The following HSBP1L1 variants were observed in gnomAD, a reference collection of about 807,000 sequenced individuals.
HSBP1L1 encodes the protein heat shock factor-binding protein 1-like protein 1.
A neutral mutation model predicts 9.7 loss-of-function variants in HSBP1L1; 8 were observed. The ratio of observed to expected loss-of-function variants is 0.82; its 90% CI spans 0.48 to 1.48. The LOEUF (loss-of-function observed/expected upper bound fraction) is 1.48. Among genes scored for constraint, HSBP1L1 ranks in the 40% most tolerant of loss-of-function variants. The pLI is 0.00. For synonymous variants in HSBP1L1, 39 were observed against 34.4 expected (o/e 1.13, Z -0.46); for missense variants, 106 against 95.8 (o/e 1.11, Z -0.44).
chr18:79,970,361 C>T (rs541201956), intron 3 of HSBP1L1, 79 bp from the exon 4 acceptor site: 15 of 716,940 alleles, frequency 2.1e-5, no homozygotes, highest in Admixed American at 8.0e-5. Context: ...CCAGTGAGAA[C>T]GTTATTAAAA....
intron 3 of HSBP1L1, among the ~76,000 whole-genome samples, chr18:79,969,263 G>A (rs147626156): frequency 0.74 from 40,138 of 54,240 alleles, 15,165 homozygotes; most frequent in Non-Finnish European, 0.8. Context: ...AGAGAGAGAG[G>A]GAGGGAGGGA....
rs149120427 is a variant in HSBP1L1 at position 79,966,892 on chromosome 18, T to G, written c.118+214T>G. The stretch of plus-strand genomic sequence containing the variant: ...GGCCGGGTGCAGTGGCTCACGCCTG[T>G]AATCCCAGCACTTTGGGAGGCCGAG... On this transcript the variant is annotated intron_variant, in intron 2 of 3. Transcript: ENST00000451882. The G allele has an allele frequency of 4.4e-3, 2,008 of 456,486 alleles. 32 individuals carry two copies. The highest frequency in any genetic ancestry group is 0.039 in the East Asian group (950 of 24,094). The allele number at this position is 456,486 out of a possible 1,614,324, so 28.3% of individuals were successfully genotyped here.
chr18:79,965,275 A>C (rs1247135861), intron 1 of HSBP1L1, among the ~76,000 whole-genome samples: 1 of 152,204 alleles, frequency 6.6e-6, no homozygotes, highest in East Asian at 1.9e-4. Flanking sequence ...TTCCAGGCCC[A>C]CAAGAGGACT....
At chr18:79,966,582 AT>A in intron 1 of HSBP1L1, 29 bp from the exon 2 acceptor site, 1 of 1,478,562 alleles carries the variant, frequency 6.8e-7, no homozygotes, top group Non-Finnish European at 9.2e-7. Flanking sequence ...GTAAATATTT[AT>A]TCAATTGTCT....
At chr18:79,964,858 C>CCGG (rs1213328062) in intron 1 of HSBP1L1, 72 bp downstream of exon 1, 1 of 619,620 alleles carries the variant, frequency 1.6e-6, no homozygotes, top group African/African-American at 3.0e-5. Context: ...TTTTGAGGTC[C>CCGG]TGGGGGGGGA....
intron 1 of HSBP1L1, among the ~76,000 whole-genome samples, chr18:79,965,501 TTCTCA>T (rs1334290476): frequency 6.6e-6 from 1 of 152,182 alleles, no homozygotes; most frequent in Non-Finnish European, 1.5e-5. Flanking sequence ...AGCCTCACTG[TTCTCA>T]TCTCACCCTG....
intron 3 of HSBP1L1, among the ~76,000 whole-genome samples, chr18:79,969,394 A>AGAAAGAG (rs35959688): frequency 5.0e-4 from 40 of 80,372 alleles, no homozygotes; most frequent in Middle Eastern, 6.6e-3. Context: ...AAAGAAAGAA[A>AGAAAGAG]AAAAAACGAT....
Position 79,968,167 on chromosome 18 carries a change from C to A in HSBP1L1, c.197C>A (p.Ser66Tyr), listed in dbSNP as rs2051267096. 2 of 1,541,092 alleles carry A rather than the reference C, an allele frequency of 1.3e-6. No individual in the cohort carries two copies. The highest frequency in any genetic ancestry group is 1.8e-6 in the Non-Finnish European group (2 of 1,138,578). The change falls in exon 3 of 4, where the codon TCT becomes TAT. Residue 66 changes from serine (S) to tyrosine (Y), a missense_variant. By Grantham distance (144) the Ser-to-Tyr change is moderately radical. Transcript: ENST00000451882. ...DLMVQAGIEN[S>Y]IKEQMLKT ...ATGGTGCAAGCTGGCATTGAAAATT[C>A]TATTAAAGAACAAATGGTAAGGTTA...
In HSBP1L1 at chr18:79,969,371, GAAAGAAAGAAAGAAAGAAAGAAA is replaced by G. The variant is rs1386328700; in HGVS notation, c.214-1065_214-1043del. 7.2e-4 allele frequency among the ~76,000 whole-genome samples: 36 copies of G among 50,204 alleles called. 1 individual carries two copies. Among genetic ancestry groups the G allele is most frequent in the African/African-American group, 1.3e-3 (27 of 20,068 alleles). 32.9% of individuals were successfully genotyped at this position (50,204 alleles called of 152,430 possible). A position where few individuals can be genotyped will look rare whatever the true frequency, so the allele number is the denominator to read the frequency against. On this transcript the variant is annotated intron_variant, in intron 3 of 3. Transcript: ENST00000451882. Reference sequence around the variant, plus strand: ...AGAAAGAAAGAAAGAAAGAAAGAAAGAAAGAAAGAAAGAAAGAAAGAAAAAAAAACGATGCAGAATAGCGCCCA... The same window carrying G: ...AGAAAGAAAGAAAGAAAGAAAGAAAGAAAAAACGATGCAGAATAGCGCCCA...
At chr18:79,968,938 C>T (rs1772354449) in intron 3 of HSBP1L1, among the ~76,000 whole-genome samples, 1 of 148,812 alleles carries the variant, frequency 6.7e-6, no homozygotes, top group Non-Finnish European at 1.5e-5. Context: ...AATCCCAGCA[C>T]TTTGGGAGGC....
chr18:79,970,170 A>C, intron 3 of HSBP1L1: 1 of 393,410 alleles, frequency 2.5e-6, no homozygotes, highest in Non-Finnish European at 4.8e-6. Context: ...ACCTGGGGAA[A>C]TCTAAGCTTT....
chr18:79,966,210 C>T (rs906496021), intron 1 of HSBP1L1, among the ~76,000 whole-genome samples: 2 of 151,854 alleles, frequency 1.3e-5, no homozygotes, highest in African/African-American at 2.4e-5. Flanking sequence ...GGATTACAGG[C>T]GTGAGCCACC....
rs1034750119 is a variant in HSBP1L1 at position 79,968,170 on chromosome 18, T to C, written c.200T>C (p.Ile67Thr). Residue 67 changes from isoleucine to threonine, a missense_variant, in exon 3 of 4, where the codon ATT becomes ACT. Transcript: ENST00000451882. ...LMVQAGIENS[I>T]KEQMLKT is the part of the protein sequence containing the mutation. ...GTGCAAGCTGGCATTGAAAATTCTA[T>C]TAAAGAACAAATGGTAAGGTTATTA... 3 of 1,540,040 alleles carry C rather than the reference T, an allele frequency of 1.9e-6. No homozygotes were observed. The highest frequency in any genetic ancestry group is 2.7e-5 in the African/African-American group (2 of 72,858).
At chr18:79,966,576 ATATT>A in intron 1 of HSBP1L1, 32 bp from the exon 2 acceptor site, 7 of 1,465,634 alleles carry the variant, frequency 4.8e-6, no homozygotes, top group African/African-American at 1.4e-5. Context: ...CCAACAGTAA[ATATT>A]TATTCAATTG....
chr18:79,965,087 G>A (rs2051250351), intron 1 of HSBP1L1, among the ~76,000 whole-genome samples: 1 of 137,408 alleles, frequency 7.3e-6, no homozygotes, highest in African/African-American at 2.7e-5. Flanking sequence ...GATCCTCGGG[G>A]GGCCTGAGGT....
chr18:79,970,217 G>A (rs912978129), intron 3 of HSBP1L1: 9 of 496,504 alleles, frequency 1.8e-5, no homozygotes, highest in African/African-American at 3.8e-5. Context: ...CTGGTAAGTG[G>A]TTGTAAGGAT....
chr18:79,968,887 G>GA (rs1555716278), intron 3 of HSBP1L1, among the ~76,000 whole-genome samples: 1 of 151,374 alleles, frequency 6.6e-6, no homozygotes, highest in South Asian at 2.1e-4. Flanking sequence ...AAAAATAACA[G>GA]AAAAAATGAT....
rs188154367 is a variant in HSBP1L1, at chr18:79,970,078, C to T, written c.214-362C>T. On this transcript the variant is annotated intron_variant, in intron 3 of 3. Coordinates refer to ENST00000451882, the MANE Select transcript of HSBP1L1 (RefSeq NM_001136180.2). ...ACTAGTATATCCAACTTGATTAAAG[C>T]ACCACAGTGCCACAGACGAGGCAAG... 755 of 221,004 alleles carry T rather than the reference C, an allele frequency of 3.4e-3. 6 individuals are homozygous for T. Among genetic ancestry groups the T allele is most frequent in the South Asian group, 0.024 (313 of 12,832 alleles). The allele number at this position is 221,004 out of a possible 1,614,324, so 13.7% of individuals were successfully genotyped here.
intron 1 of HSBP1L1, among the ~76,000 whole-genome samples, chr18:79,965,206 G>T (rs2051250936): frequency 6.6e-6 from 1 of 152,194 alleles, no homozygotes; most frequent in Non-Finnish European, 1.5e-5. Flanking sequence ...CAGCGCCCAG[G>T]GCTCCGGCCT....
Sources: gnomAD v4.1 joint callset for allele counts (sites outside exome capture counted in the v4.1 genomes callset) on GRCh38, gnomAD v4.1.1 for gene constraint, MANE v1.5 for transcripts, NCBI Gene and HGNC (gene_info 2026-07-23, HGNC 2026-07-21) for gene names.